Variants in SPAG16 observed in about 807,000 individuals in gnomAD.
SPAG16 encodes the protein sperm-associated antigen 16 protein.
Under a neutral mutation model 80.4 loss-of-function variants are expected in SPAG16, and 86 were observed. That is an observed-to-expected ratio of 1.07 (90% CI 0.90 to 1.28). SPAG16 has a LOEUF of 1.28. SPAG16 is among the 50% of genes most tolerant of loss of function. The pLI is 0.00. For synonymous variants in SPAG16, 294 were observed against 265.9 expected, an observed-to-expected ratio of 1.11 and a Z score of -1.03; for missense variants, 870 against 765.3, an observed-to-expected ratio of 1.14 and a Z score of -1.61.
At chr2:214,116,440 T>C (rs1003612300) in intron 14 of SPAG16, among the ~76,000 whole-genome samples, 16 of 152,294 alleles carry the variant, frequency 1.1e-4, no homozygotes, top group South Asian at 1.0e-3. Flanking sequence ...CTCCCCTTAC[T>C]ACTTTTGGGG....
At chr2:214,141,874 A>G (rs1354876197) in intron 14 of SPAG16, among the ~76,000 whole-genome samples, 4 of 152,060 alleles carry the variant, frequency 2.6e-5, no homozygotes, top group African/African-American at 9.7e-5. Context: ...ATTTTTATGC[A>G]TTATACTCAA....
intron 10 of SPAG16, among the ~76,000 whole-genome samples, chr2:213,491,504 T>C (rs2074232832): frequency 6.6e-6 from 1 of 152,210 alleles, no homozygotes; most frequent in South Asian, 2.1e-4. Context: ...AACTGGCTTA[T>C]AAACAGGTTT....
intron 9 of SPAG16, among the ~76,000 whole-genome samples, chr2:213,401,588 G>T (rs1377803313): frequency 6.6e-6 from 1 of 152,050 alleles, no homozygotes; most frequent in Non-Finnish European, 1.5e-5. Flanking sequence ...TATTTGCCTG[G>T]TACATCTTTT....
intron 7 of SPAG16, among the ~76,000 whole-genome samples, chr2:213,358,846 T>G (rs1461905786): frequency 6.6e-6 from 1 of 152,184 alleles, no homozygotes; most frequent in East Asian, 1.9e-4. Flanking sequence ...GCACTCTGGT[T>G]TTTAGAATTT....
chr2:214,301,233 T>C (rs1340775958), intron 15 of SPAG16, among the ~76,000 whole-genome samples: 2 of 150,004 alleles, frequency 1.3e-5, no homozygotes, highest in Non-Finnish European at 3.0e-5. Context: ...TATCAATAGA[T>C]GTAGAAAAAG....
chr2:214,288,397 A>G (rs1326116162), intron 15 of SPAG16, among the ~76,000 whole-genome samples: 1 of 152,222 alleles, frequency 6.6e-6, no homozygotes, highest in African/African-American at 2.4e-5. Flanking sequence ...AAGTGCAGGT[A>G]GGTATCCCTT....
At chr2:214,310,232 G>C (rs1263401304) in intron 15 of SPAG16, among the ~76,000 whole-genome samples, 1 of 151,108 alleles carries the variant, frequency 6.6e-6, no homozygotes, top group Non-Finnish European at 1.5e-5. Context: ...TCCCTTGAAG[G>C]TGTGACTGTA....
At chr2:213,827,317 C>A (rs1451114757) in intron 10 of SPAG16, among the ~76,000 whole-genome samples, 1 of 151,786 alleles carries the variant, frequency 6.6e-6, no homozygotes, top group Non-Finnish European at 1.5e-5. Flanking sequence ...TAATTTCTTG[C>A]ATCTTATTTT....
At chr2:213,869,265 A>AAATATATATATATATGTATATATATATG (rs1491244962) in intron 11 of SPAG16, among the ~76,000 whole-genome samples, 1 of 24,806 alleles carries the variant, frequency 4.0e-5, no homozygotes, top group African/African-American at 5.4e-5. Flanking sequence ...AAAAAAAAAA[A>AAATATATATATATATGTATATATATATG]TATATATATA....
intron 9 of SPAG16, among the ~76,000 whole-genome samples, chr2:213,431,123 G>T (rs1332553695): frequency 6.6e-6 from 1 of 151,844 alleles, no homozygotes; most frequent in Non-Finnish European, 1.5e-5. Flanking sequence ...CACATTAAAG[G>T]ATAAGATTAT....
chr2:214,113,312 C>T lies in SPAG16; in HGVS notation c.1593+5051C>T, dbSNP rs140190029. 8.5e-4 allele frequency among the ~76,000 whole-genome samples: 129 copies of T among 152,202 alleles called. 4 individuals are homozygous for T. The East Asian group carries it at 0.023, about 27-fold the overall frequency. ...TTATGTGTCTTGGGGTTGCTCTTCT[C>T]GAGGAGTGTCTTTGTGGTGTTCTCT... On this transcript the variant is annotated intron_variant, in intron 14 of 15. Coordinates refer to ENST00000331683, the MANE Select transcript of SPAG16 (RefSeq NM_024532.5).
At chr2:214,391,447 A>G (rs1701075453) in intron 15 of SPAG16, among the ~76,000 whole-genome samples, 2 of 152,212 alleles carry the variant, frequency 1.3e-5, no homozygotes, top group South Asian at 4.1e-4. Context: ...ATAAAATATA[A>G]ATGGGAAAAT....
At chr2:213,381,886 A>G (rs957404807) in intron 9 of SPAG16, among the ~76,000 whole-genome samples, 2 of 152,232 alleles carry the variant, frequency 1.3e-5, no homozygotes, top group Non-Finnish European at 2.9e-5. Context: ...TTTAGGCAAC[A>G]TAGGTGATCA....
chr2:213,842,197 T>A (rs1440084759), intron 10 of SPAG16, among the ~76,000 whole-genome samples: 1 of 152,184 alleles, frequency 6.6e-6, no homozygotes, highest in East Asian at 1.9e-4. Flanking sequence ...ATCTTTCACA[T>A]AGAGAAGCAT....
At chr2:214,109,428 G>C (rs2053558484) in intron 14 of SPAG16, among the ~76,000 whole-genome samples, 1 of 152,144 alleles carries the variant, frequency 6.6e-6, no homozygotes, top group Non-Finnish European at 1.5e-5. Flanking sequence ...GTTCCCAGTA[G>C]AGTGAGAATC....
rs575437597 is a variant in SPAG16, at chr2:214,271,929, G to C, written c.1720+122663G>C. Among the ~76,000 whole-genome samples the C allele has an allele frequency of 1.3e-4, 20 of 151,492 alleles. No individual in the cohort carries two copies. In the East Asian group the frequency reaches 3.9e-3, roughly 29 times the overall value. ...ATGTCATTTGAGCTTAACAGATCTA[G>C]AGGTTAAGCTTTGAAGAGTTTTAAC... On this transcript the variant is annotated intron_variant, in intron 15 of 15. Coordinates refer to ENST00000331683, the MANE Select transcript of SPAG16 (RefSeq NM_024532.5).
At chr2:214,347,388 C>T (rs1363938378) in intron 15 of SPAG16, among the ~76,000 whole-genome samples, 7 of 151,426 alleles carry the variant, frequency 4.6e-5, no homozygotes, top group Non-Finnish European at 4.4e-5. Context: ...CATAAAGGCT[C>T]AAGGTAGTCT....
chr2:214,353,892 T>G (rs1698588128), intron 15 of SPAG16, among the ~76,000 whole-genome samples: 1 of 152,180 alleles, frequency 6.6e-6, no homozygotes, highest in African/African-American at 2.4e-5. Context: ...CTGAATTGTA[T>G]TAATGAGAAA....
At chr2:213,974,351 A>G (rs548534426) in intron 12 of SPAG16, among the ~76,000 whole-genome samples, 2 of 152,242 alleles carry the variant, frequency 1.3e-5, no homozygotes, top group South Asian at 4.1e-4. Context: ...AAATGTGATT[A>G]TATTAAGACT....
Sources: gnomAD v4.1 joint callset for allele counts (sites outside exome capture counted in the v4.1 genomes callset) on GRCh38, gnomAD v4.1.1 for gene constraint, MANE v1.5 for transcripts, NCBI Gene and HGNC (gene_info 2026-07-23, HGNC 2026-07-21) for gene names.